The following LMX1B variants were observed in gnomAD, a reference collection of about 807,000 sequenced individuals.
LMX1B encodes LIM homeobox transcription factor 1-beta.
In LMX1B, 12 loss-of-function variants were observed where a neutral mutation model predicts 51.4. The ratio of observed to expected loss-of-function variants is 0.23; its 90% CI spans 0.15 to 0.38. The LOEUF is 0.38. LMX1B is among the 10% of genes least tolerant of loss of function. The pLI is 1.00. For synonymous variants in LMX1B, 237 were observed against 235.4 expected, an observed-to-expected ratio of 1.01 and a Z score of -0.06; for missense variants, 445 against 571.1, an observed-to-expected ratio of 0.78 and a Z score of 2.25.
At chr9:126,649,412 C>T (rs981982526) in intron 2 of LMX1B, among the ~76,000 whole-genome samples, 7 of 152,192 alleles carry the variant, frequency 4.6e-5, no homozygotes, top group African/African-American at 7.2e-5. Flanking sequence ...CTCCCAGCCC[C>T]GTCCCTTGTG....
intron 2 of LMX1B, among the ~76,000 whole-genome samples, chr9:126,647,534 G>A (rs1835925648): frequency 6.6e-6 from 1 of 152,172 alleles, no homozygotes; most frequent in Non-Finnish European, 1.5e-5. Flanking sequence ...GATGGACAGT[G>A]GGGTTTGCAT....
rs1437450846 is a variant in LMX1B, at chr9:126,618,081, A to G, written c.326+2512A>G. Among the ~76,000 whole-genome samples, 3 of 152,138 alleles carry G rather than the reference A, an allele frequency of 2.0e-5. No individual in the cohort carries two copies. The highest frequency in any genetic ancestry group is 7.2e-5 in the African/African-American group (3 of 41,426). On this transcript the variant is annotated intron_variant, in intron 2 of 7. Coordinates refer to ENST00000373474, the MANE Select transcript of LMX1B (RefSeq NM_001174147.2). The surrounding 1 kb of genome is among the most constrained non-coding windows in gnomAD (Gnocchi z 4.5). ...TTTTTTCTTTGAGAATTGCAGATGC[A>G]TATTTATTTCATCTGTGCGTAAATG...
chr9:126,620,989 G>T (rs1260070135), intron 2 of LMX1B, among the ~76,000 whole-genome samples: 3 of 152,222 alleles, frequency 2.0e-5, no homozygotes, highest in African/African-American at 7.2e-5. Context: ...CAGGAACTCA[G>T]AAGGCCCCTC....
chr9:126,696,490 G>T lies in LMX1B; in HGVS notation c.*39G>T, dbSNP rs376851692. ...GCACGGACGCTTGGGCAGGGGCCTG[G>T]GGGGGACTGCCAGCCTCTGCGGCCA... On this transcript the variant is annotated 3_prime_UTR_variant, in exon 8 of 8. Transcript: ENST00000373474. 1.2e-6 allele frequency: 2 copies of T among 1,611,230 alleles called. No individual in the cohort carries two copies. The highest frequency in any genetic ancestry group is 1.7e-6 in the Non-Finnish European group (2 of 1,178,042).
intron 2 of LMX1B, among the ~76,000 whole-genome samples, chr9:126,688,709 T>A (rs535054703): frequency 1.3e-5 from 2 of 152,288 alleles, no homozygotes; most frequent in African/African-American, 4.8e-5. Flanking sequence ...GAGGGCCAAA[T>A]TAGAGCCAAA....
chr9:126,660,067 T>G (rs1441770786), intron 2 of LMX1B, among the ~76,000 whole-genome samples: 491 of 144,364 alleles, frequency 3.4e-3, no homozygotes, highest in African/African-American at 4.1e-3. Flanking sequence ...TGCGTGGGGG[T>G]GTCTACACTG....
At chr9:126,617,395 A>G (rs934760248) in intron 2 of LMX1B, among the ~76,000 whole-genome samples, 3 of 152,136 alleles carry the variant, frequency 2.0e-5, no homozygotes, top group Non-Finnish European at 4.4e-5. Context: ...CTTAAAAAAA[A>G]GAAAAAAACT....
rs145599399 is a variant in LMX1B, at chr9:126,689,058, C to T, written c.327-1778C>T. Among the ~76,000 whole-genome samples, 1,168 of 152,246 alleles carry T rather than the reference C, an allele frequency of 7.7e-3. 15 individuals carry two copies. Among genetic ancestry groups the T allele is most frequent in the African/African-American group, 0.027 (1,125 of 41,550 alleles). On this transcript the variant is annotated intron_variant, in intron 2 of 7. Transcript: ENST00000373474. The stretch of plus-strand genomic sequence containing the variant: ...TACAGGAGTAAACTGAGGTGGGGGA[C>T]GCTGAGGGGAGCATAGAGGAGGCTA...
chr9:126,615,494 C>G lies in LMX1B; in HGVS notation c.251C>G (p.Ala84Gly). The G allele has an allele frequency of 6.2e-7, 1 of 1,611,474 alleles. No individual in the cohort carries two copies. The change falls in exon 2 of 8, where the codon GCG becomes GGG. Residue 84 changes from alanine to glycine, a missense_variant. Ala to Gly is a moderately conservative substitution (Grantham distance 60). Transcript: ENST00000373474. The surrounding 1 kb of genome is among the most constrained non-coding windows in gnomAD (Gnocchi z 6.0). ...TGGCACGAGGAGTGTTTGCAGTGCG[C>G]GGCGTGTCAGCAAGCCCTCACCACC... ...SSWHEECLQC[A>G]ACQQALTTSC...
At chr9:126,679,627 G>A (rs904044599) in intron 2 of LMX1B, among the ~76,000 whole-genome samples, 1 of 151,894 alleles carries the variant, frequency 6.6e-6, no homozygotes, top group Non-Finnish European at 1.5e-5. Flanking sequence ...AGAGAGGTAC[G>A]ACCTATCCTC....
At chr9:126,643,886 C>CT (rs2118886866) in intron 2 of LMX1B, among the ~76,000 whole-genome samples, 1 of 152,336 alleles carries the variant, frequency 6.6e-6, no homozygotes, top group East Asian at 1.9e-4. Context: ...CACAGTAGCC[C>CT]TACCAGGTAG....
chr9:126,652,534 T>C (rs116804820), intron 2 of LMX1B, among the ~76,000 whole-genome samples: 2,477 of 152,342 alleles, frequency 0.016, 86 homozygotes, highest in African/African-American at 0.057. Flanking sequence ...GTGCATCCCA[T>C]GGTCTTCGTG....
At chr9:126,687,691 C>G (rs1344278528) in intron 2 of LMX1B, among the ~76,000 whole-genome samples, 1 of 152,222 alleles carries the variant, frequency 6.6e-6, no homozygotes, top group Non-Finnish European at 1.5e-5. Context: ...GCAGTGTTGT[C>G]CAGCCCATTG....
chr9:126,695,841 G>A lies in LMX1B; in HGVS notation c.889G>A (p.Val297Ile). Residue 297 changes from valine (V) to isoleucine (I), a missense_variant and splice_region_variant, in exon 7 of 8, where the codon GTC becomes ATC. Physicochemically the swap from Val to Ile is conservative, Grantham distance 29. Transcript: ENST00000373474. The surrounding 1 kb of genome is among the most constrained non-coding windows in gnomAD (Gnocchi z 5.2). The stretch of plus-strand genomic sequence containing the variant: ...GTGAAGGCTCACTGTGCCCCCAGAG[G>A]TCCTGTCCAGCCGCATGGAGGGCAT... ...QQNSQRLGQEVLSSRMEGMMA... is the reference protein window; with the variant it reads ...QQNSQRLGQEILSSRMEGMMA... 6.2e-7 allele frequency: 1 copy of A among 1,612,714 alleles called. No homozygotes were observed. The highest frequency in any genetic ancestry group is 8.5e-7 in the Non-Finnish European group (1 of 1,179,582).
rs1399059644 is a variant in LMX1B at position 126,618,221 on chromosome 9, T to C, written c.326+2652T>C. Among the ~76,000 whole-genome samples, 1 of 152,166 alleles carries C rather than the reference T, an allele frequency of 6.6e-6. No individual in the cohort carries two copies. The highest frequency in any genetic ancestry group is 6.5e-5 in the Admixed American group (1 of 15,276). On this transcript the variant is annotated intron_variant, in intron 2 of 7. Transcript: ENST00000373474. This position sits in a 1 kb window ranked among gnomAD's most constrained non-coding sequence, Gnocchi z 4.5. ...CAATCCCCCCACCAAACACAACTTC[T>C]GAAAAATGTGTCCTCACCCCTGGCT...
At chr9:126,636,122 C>G (rs1389746641) in intron 2 of LMX1B, among the ~76,000 whole-genome samples, 1 of 152,210 alleles carries the variant, frequency 6.6e-6, no homozygotes, top group Non-Finnish European at 1.5e-5. Flanking sequence ...TAGGACACCA[C>G]AAGCAGCTTC....
At chr9:126,679,664 C>A (rs1456100220) in intron 2 of LMX1B, among the ~76,000 whole-genome samples, 5 of 152,084 alleles carry the variant, frequency 3.3e-5, no homozygotes, top group African/African-American at 1.2e-4. Flanking sequence ...AGGTGTCCAG[C>A]CTGACCTTTC....
intron 2 of LMX1B, among the ~76,000 whole-genome samples, chr9:126,686,957 G>T (rs973578711): frequency 7.9e-5 from 12 of 152,208 alleles, no homozygotes; most frequent in Non-Finnish European, 1.6e-4. Context: ...GGCCAAACAA[G>T]CTAGAAGGGC....
rs1444295675 is a variant in LMX1B, at chr9:126,677,806, A to C, written c.327-13030A>C. 6.6e-6 allele frequency among the ~76,000 whole-genome samples: 1 copy of C among 152,126 alleles called. No homozygotes were observed. Among genetic ancestry groups the C allele is most frequent in the East Asian group, 1.9e-4 (1 of 5,198 alleles). ...ATGTACTCAGGGCATTGCGGGGAGG[A>C]GGAAGCTTAGTCCAGATCTCAGGAA... On this transcript the variant is annotated intron_variant, in intron 2 of 7. Coordinates refer to ENST00000373474, the MANE Select transcript of LMX1B (RefSeq NM_001174147.2). The surrounding 1 kb of genome is among the most constrained non-coding windows in gnomAD (Gnocchi z 5.0).
Sources: allele counts gnomAD v4.1 joint callset (sites outside exome capture counted in the v4.1 genomes callset), GRCh38; gene constraint gnomAD v4.1.1; non-coding constraint Gnocchi (gnomAD v3.1); transcripts MANE v1.5; gene names NCBI Gene and HGNC (gene_info 2026-07-23, HGNC 2026-07-21).